Variants in CNTNAP2 observed in about 807,000 individuals in gnomAD.
CNTNAP2 encodes contactin associated protein 2.
In CNTNAP2, 98 loss-of-function variants were observed where a neutral mutation model predicts 155.2. That is an observed-to-expected ratio of 0.63 (90% confidence interval 0.54 to 0.75). The LOEUF is 0.75. Ranked by LOEUF, CNTNAP2 falls within the 30% of genes least tolerant of loss-of-function variation. The pLI, the probability that CNTNAP2 is intolerant of heterozygous loss-of-function variation, is 0.00. For missense variants in CNTNAP2, 1,727 were observed against 1,688.1 expected (o/e 1.02, Z -0.40); for synonymous variants, 651 against 631.2 (o/e 1.03, Z -0.47).
chr7:147,836,327 G>A (rs532658449), intron 13 of CNTNAP2, among the ~76,000 whole-genome samples: 2 of 151,930 alleles, frequency 1.3e-5, no homozygotes, highest in South Asian at 2.1e-4. Flanking sequence ...CCCCAGCCTC[G>A]TGTCCTCCCA....
intron 1 of CNTNAP2, among the ~76,000 whole-genome samples, chr7:146,200,975 A>G (rs1323965892): frequency 1.3e-5 from 2 of 152,180 alleles, no homozygotes; most frequent in Admixed American, 6.5e-5. Context: ...AATTTGGGTT[A>G]AGATAATGTT....
At chr7:146,499,165 T>C (rs1797263386) in intron 1 of CNTNAP2, among the ~76,000 whole-genome samples, 1 of 152,208 alleles carries the variant, frequency 6.6e-6, no homozygotes, top group Admixed American at 6.5e-5. Flanking sequence ...AAATCACTTT[T>C]AGTCTAATTT....
chr7:147,357,965 T>C (rs540227617), intron 9 of CNTNAP2, among the ~76,000 whole-genome samples: 69 of 152,238 alleles, frequency 4.5e-4, no homozygotes, highest in African/African-American at 1.6e-3. Context: ...CATTCCAAAC[T>C]AGATGCACCA....
At chr7:147,904,429 A>T (rs1799924719) in intron 14 of CNTNAP2, among the ~76,000 whole-genome samples, 1 of 152,194 alleles carries the variant, frequency 6.6e-6, no homozygotes, top group South Asian at 2.1e-4. Flanking sequence ...TAGGTGGAAG[A>T]CTATAAACCT....
chr7:147,099,548 T>C (rs1340604716), intron 4 of CNTNAP2, among the ~76,000 whole-genome samples: 2 of 152,170 alleles, frequency 1.3e-5, no homozygotes, highest in Non-Finnish European at 2.9e-5. Context: ...TTATATAAAT[T>C]ACTATGAAAA....
chr7:148,056,934 A>G (rs1465952798), intron 15 of CNTNAP2, among the ~76,000 whole-genome samples: 1 of 152,182 alleles, frequency 6.6e-6, no homozygotes, highest in Non-Finnish European at 1.5e-5. Flanking sequence ...TCCTCATGTA[A>G]GCTTTGGATC....
chr7:146,813,748 T>C (rs1220535337), intron 2 of CNTNAP2, among the ~76,000 whole-genome samples: 1 of 152,124 alleles, frequency 6.6e-6, no homozygotes, highest in Non-Finnish European at 1.5e-5. Flanking sequence ...ATGATATGGT[T>C]TGGCTCTGTC....
intron 16 of CNTNAP2, among the ~76,000 whole-genome samples, chr7:148,129,884 G>A (rs1206982517): frequency 6.6e-6 from 1 of 152,166 alleles, no homozygotes; most frequent in Non-Finnish European, 1.5e-5. Context: ...TTCATGCCAG[G>A]GTTCTCAGTT....
At chr7:146,767,659 G>T (rs1266323584) in intron 1 of CNTNAP2, among the ~76,000 whole-genome samples, 1 of 152,172 alleles carries the variant, frequency 6.6e-6, no homozygotes, top group Non-Finnish European at 1.5e-5. Flanking sequence ...TATAAGTGAA[G>T]ATATATAAGC....
chr7:148,333,944 C>T (rs1201115940), intron 21 of CNTNAP2, among the ~76,000 whole-genome samples: 1 of 152,204 alleles, frequency 6.6e-6, no homozygotes, highest in African/African-American at 2.4e-5. Context: ...TAAGGACATC[C>T]TGATTTCTGC....
intron 11 of CNTNAP2, among the ~76,000 whole-genome samples, chr7:147,554,160 T>TA (rs2116770900): frequency 6.6e-6 from 1 of 152,298 alleles, no homozygotes; most frequent in Non-Finnish European, 1.5e-5. Flanking sequence ...CTCTCCTTCT[T>TA]AGAGTTTTCT....
intron 1 of CNTNAP2, among the ~76,000 whole-genome samples, chr7:146,429,012 T>G (rs751402349): frequency 2.0e-5 from 3 of 152,094 alleles, no homozygotes; most frequent in Non-Finnish European, 4.4e-5. Context: ...TTTGTCAGGT[T>G]TGTTGAATAT....
At chr7:146,262,322 C>A (rs1043847716) in intron 1 of CNTNAP2, among the ~76,000 whole-genome samples, 1 of 152,188 alleles carries the variant, frequency 6.6e-6, no homozygotes, top group African/African-American at 2.4e-5. Flanking sequence ...TCCTTGCCCC[C>A]CTCAATTGCA....
At chr7:147,897,113 A>G (rs1799789052) in intron 13 of CNTNAP2, 1 of 152,152 alleles carries the variant, frequency 6.6e-6, no homozygotes, top group Non-Finnish European at 1.5e-5. Context: ...TTTCCCCTAG[A>G]GTATGTTCCT....
At chr7:146,794,615 A>G (rs2129189847) in intron 2 of CNTNAP2, among the ~76,000 whole-genome samples, 1 of 152,278 alleles carries the variant, frequency 6.6e-6, no homozygotes, top group South Asian at 2.1e-4. Flanking sequence ...ACAGATAAAT[A>G]ACTTTCCCAT....
At position 148,217,363 on chromosome 7, in the gene CNTNAP2, C is replaced by A. The variant is rs1795660784; in HGVS notation, c.3086C>A (p.Ser1029Tyr). 6.2e-7 allele frequency: 1 copy of A among 1,614,032 alleles called. No individual in the cohort carries two copies. The highest frequency in any genetic ancestry group is 8.5e-7 in the Non-Finnish European group (1 of 1,180,032). ...FQAPATNARD[S>Y]SSRVDNAPDQ... is the part of the protein sequence containing the mutation. ...GCACCAGCAACAAATGCCAGAGACT[C>A]CAGCAGCAGAGTAGACAACGCTCCC... The change falls in exon 19 of 24, where the codon TCC becomes TAC. Residue 1029 changes from serine (S) to tyrosine (Y), a missense_variant. Ser to Tyr is a moderately radical substitution (Grantham distance 144). Coordinates refer to ENST00000361727, the MANE Select transcript of CNTNAP2 (RefSeq NM_014141.6).
At chr7:147,772,901 C>A (rs780312916) in intron 13 of CNTNAP2, among the ~76,000 whole-genome samples, 1 of 152,134 alleles carries the variant, frequency 6.6e-6, no homozygotes, top group Non-Finnish European at 1.5e-5. Flanking sequence ...TTGATTCAGC[C>A]ACCTCATCAG....
chr7:148,179,583 G>A (rs1374057144), intron 18 of CNTNAP2, among the ~76,000 whole-genome samples: 1 of 149,024 alleles, frequency 6.7e-6, no homozygotes, highest in Non-Finnish European at 1.5e-5. Context: ...GGCGGGGTGC[G>A]GGGGAGAGAG....
chr7:146,623,449 C>A (rs544248233), intron 1 of CNTNAP2, among the ~76,000 whole-genome samples: 1 of 152,150 alleles, frequency 6.6e-6, no homozygotes, highest in African/African-American at 2.4e-5. Flanking sequence ...TACAGAAAAC[C>A]CTGCAACTAA....
Sources: gnomAD v4.1 joint callset for allele counts (sites outside exome capture counted in the v4.1 genomes callset) on GRCh38, gnomAD v4.1.1 for gene constraint, MANE v1.5 for transcripts, NCBI Gene and HGNC (gene_info 2026-07-23, HGNC 2026-07-21) for gene names.